TEX11: variants seen among roughly 807,000 people sequenced by gnomAD.
The protein encoded by TEX11 is testis-expressed protein 11.
In TEX11, 7 loss-of-function variants were observed where a neutral mutation model predicts 84.4. The ratio of observed to expected loss-of-function variants is 0.08; its 90% confidence interval spans 0.05 to 0.16. The LOEUF (loss-of-function observed/expected upper bound fraction) is 0.16, where lower values mean the gene tolerates loss of function less well. Ranked by LOEUF, TEX11 falls within the 10% of genes least tolerant of loss-of-function variation. The pLI, the probability that TEX11 is intolerant of heterozygous loss-of-function variation, is 1.00. For missense variants in TEX11, 551 were observed against 660.5 expected (o/e 0.83, Z 1.82); for synonymous variants, 264 against 222.8 (o/e 1.18, Z -1.64).
intron 7 of TEX11, among the ~76,000 whole-genome samples, chrX:70,849,818 C>A (rs2091498081): frequency 8.9e-6 from 1 of 111,843 alleles, no homozygotes; most frequent in African/African-American, 3.2e-5. Flanking sequence ...CACTTTTAAC[C>A]AGCTATATAA....
chrX:70,537,663 G>C (rs1467080807), intron 28 of TEX11, among the ~76,000 whole-genome samples: 1 of 111,707 alleles, frequency 9.0e-6, no homozygotes, highest in African/African-American at 3.3e-5. Context: ...AAGTTCAAGT[G>C]AGAACAGAGA....
chrX:70,636,183 GC>G (rs1220479348), intron 17 of TEX11, among the ~76,000 whole-genome samples: 2 of 110,411 alleles, frequency 1.8e-5, no homozygotes, highest in Middle Eastern at 4.7e-3. Context: ...CAGGCCCCAG[GC>G]AGGTCCCCAC....
chrX:70,823,166 A>G (rs375444824), intron 8 of TEX11, among the ~76,000 whole-genome samples: 163 of 111,834 alleles, frequency 1.5e-3, no homozygotes, highest in African/African-American at 5.0e-3. Flanking sequence ...CAAATACTAC[A>G]TGATCTCACT....
At chrX:70,511,756 A>C in the TEX11 span, among the ~76,000 whole-genome samples, 1 of 75,041 alleles carries the variant, frequency 1.3e-5, no homozygotes, top group African/African-American at 7.7e-5. Context: ...CCATCTCAAA[A>C]AAAAAAAAAA....
At chrX:70,817,393 T>C (rs1032024080) in intron 8 of TEX11, among the ~76,000 whole-genome samples, 1 of 110,856 alleles carries the variant, frequency 9.0e-6, no homozygotes, top group African/African-American at 3.3e-5. Flanking sequence ...TCTACTAAAA[T>C]AAATAAGGTC....
intron 17 of TEX11, 93 bp from the exon 18 acceptor site, chrX:70,629,828 AT>A (rs1288868986): frequency 1.5e-6 from 1 of 685,633 alleles, no homozygotes; most frequent in African/African-American, 2.2e-5. Context: ...TTTGGAACTT[AT>A]TTTAAGAACA....
Position 70,620,120 on chromosome X carries a change from G to A in TEX11, c.1751+3830C>T, listed in dbSNP as rs186820798. ...ATTACAGTTGTGAGCCACAATGCCC[G>A]GCCATGTGCCAGTGTCTTTTAACCG... On this transcript the variant is annotated intron_variant, in intron 20 of 29. Transcript: ENST00000374333. Among the ~76,000 whole-genome samples the A allele has an allele frequency of 2.8e-3, 307 of 111,175 alleles. 3 individuals are homozygous for A. The highest frequency in any genetic ancestry group is 9.3e-3 in the African/African-American group (285 of 30,565).
chrX:70,632,435 C>T (rs954789052), intron 17 of TEX11, among the ~76,000 whole-genome samples: 2 of 111,069 alleles, frequency 1.8e-5, no homozygotes, highest in African/African-American at 3.3e-5. Flanking sequence ...TGGTGAGACC[C>T]TATCTCTACA....
intron 2 of TEX11, among the ~76,000 whole-genome samples, chrX:70,893,643 C>T (rs1238712541): frequency 1.8e-5 from 2 of 111,262 alleles, no homozygotes; most frequent in Non-Finnish European, 3.8e-5. Flanking sequence ...GAAATTGACA[C>T]CCAAACATCA....
intron 4 of TEX11, 56 bp from the exon 5 acceptor site, chrX:70,860,992 T>A: frequency 1.3e-6 from 1 of 795,318 alleles, no homozygotes; most frequent in East Asian, 3.7e-5. Flanking sequence ...TCCTTTTATA[T>A]ACACCAAAGA....
chrX:70,739,546 G>A (rs182089294), intron 11 of TEX11, among the ~76,000 whole-genome samples: 20 of 108,837 alleles, frequency 1.8e-4, no homozygotes, highest in Admixed American at 1.7e-3. Context: ...CGAGTAGCTG[G>A]GACTGCAGGC....
chrX:70,849,474 G>A (rs1455449590), intron 7 of TEX11, among the ~76,000 whole-genome samples: 2 of 111,943 alleles, frequency 1.8e-5, no homozygotes, highest in African/African-American at 6.5e-5. Flanking sequence ...TCTGTTCATA[G>A]AAGATATTCC....
chrX:70,585,819 G>A (rs1163535760), intron 25 of TEX11, among the ~76,000 whole-genome samples: 2 of 112,356 alleles, frequency 1.8e-5, no homozygotes, highest in African/African-American at 3.2e-5. Flanking sequence ...TTGGGAGGCC[G>A]AGGTGGGTGG....
chrX:70,743,001 C>T (rs1206929877), intron 10 of TEX11, among the ~76,000 whole-genome samples: 1 of 111,527 alleles, frequency 9.0e-6, no homozygotes, highest in Non-Finnish European at 1.9e-5. Flanking sequence ...ACTCTCTTAC[C>T]TTGCAAAACT....
intron 22 of TEX11, among the ~76,000 whole-genome samples, chrX:70,608,275 C>G (rs886724816): frequency 1.8e-5 from 2 of 111,899 alleles, no homozygotes; most frequent in African/African-American, 3.2e-5. Flanking sequence ...TAACCATTAT[C>G]CTGACTTATA....
chrX:70,750,966 A>ATATATATATATATATATATAT (rs1411833714), intron 9 of TEX11, among the ~76,000 whole-genome samples: 4 of 84,475 alleles, frequency 4.7e-5, no homozygotes, highest in Non-Finnish European at 9.6e-5. Context: ...ATATATATAT[A>ATATATATATATATATATATAT]AAAGTCAGGA....
chrX:70,663,833 T>C (rs1273003079), intron 16 of TEX11, among the ~76,000 whole-genome samples: 3 of 111,754 alleles, frequency 2.7e-5, no homozygotes, highest in Non-Finnish European at 5.7e-5. Flanking sequence ...GGGCTGTCTA[T>C]ACAGTTGTTC....
chrX:70,564,998 T>A (rs1297091846), intron 25 of TEX11, among the ~76,000 whole-genome samples: 1 of 107,192 alleles, frequency 9.3e-6, no homozygotes, highest in Non-Finnish European at 1.9e-5. Flanking sequence ...CCACAATGGT[T>A]GAACTAGTTT....
intron 11 of TEX11, among the ~76,000 whole-genome samples, chrX:70,733,008 A>ACTAT (rs1335646064): frequency 8.9e-6 from 1 of 112,004 alleles, no homozygotes; most frequent in Non-Finnish European, 1.9e-5. Context: ...CACATCTACA[A>ACTAT]CTATCTGACC....
Sources: allele counts gnomAD v4.1 joint callset (sites outside exome capture counted in the v4.1 genomes callset), GRCh38; gene constraint gnomAD v4.1.1; transcripts MANE v1.5; gene names NCBI Gene and HGNC (gene_info 2026-07-23, HGNC 2026-07-21).